CEP295: variants seen among roughly 807,000 people sequenced by gnomAD.
CEP295 encodes centrosomal protein 295.
Under a neutral mutation model 291.6 loss-of-function variants are expected in CEP295, and 190 were observed. The observed-to-expected ratio is 0.65, with a 90% confidence interval of 0.58 to 0.73. The LOEUF (loss-of-function observed/expected upper bound fraction) is 0.73. CEP295 is among the 30% of genes least tolerant of loss of function. CEP295 has a pLI of 0.00. For missense variants in CEP295, 2,863 were observed against 2,949.4 expected (o/e 0.97, Z 0.68); for synonymous variants, 993 against 1,038.8 (o/e 0.96, Z 0.85).
In CEP295 at chr11:93,695,565, A is replaced by G. The variant is rs1414728490; in HGVS notation, c.1602A>G (p.Leu534=). The change falls in exon 13 of 30, where the codon TTA becomes TTG. Residue 534 remains leucine, a synonymous_variant. Transcript: ENST00000325212. ...TTGAACAAATTGAACAGCAGAAATT[A>G]AGATTAGAAACTGACTGCTTCAGGG... ...ELLEQIEQQK[L]RLETDCFRAQ... 1 of 1,489,618 alleles carries G rather than the reference A, an allele frequency of 6.7e-7. No homozygotes were observed. The allele number at this position is 1,489,618 out of a possible 1,614,324, so 92.3% of individuals were successfully genotyped here. A position where few individuals can be genotyped will look rare whatever the true frequency, so the allele number is the denominator to read the frequency against.
At chr11:93,706,945 C>CAAAAGAT in intron 18 of CEP295, 48 bp downstream of exon 18, 1 of 1,385,946 alleles carries the variant, frequency 7.2e-7, no homozygotes, top group Non-Finnish European at 9.6e-7. Flanking sequence ...GATATGTGGA[C>CAAAAGAT]AAAAGATATT....
At chr11:93,715,540 T>G (rs559943988) in intron 18 of CEP295, among the ~76,000 whole-genome samples, 1 of 152,130 alleles carries the variant, frequency 6.6e-6, no homozygotes, top group Non-Finnish European at 1.5e-5. Context: ...TTCCCTCTGC[T>G]TTTCTCAAGC....
chr11:93,722,397 G>A (rs1953803994), intron 20 of CEP295: 1 of 212,266 alleles, frequency 4.7e-6, no homozygotes, highest in Non-Finnish European at 9.5e-6. Flanking sequence ...GGGAGGTCAA[G>A]GCTGCAATGA....
chr11:93,719,390 C>T (rs548733516), intron 18 of CEP295, among the ~76,000 whole-genome samples: 1 of 152,066 alleles, frequency 6.6e-6, no homozygotes, highest in South Asian at 2.1e-4. Context: ...GCCTCAGCCT[C>T]CGAGGTAGCT....
intron 18 of CEP295, among the ~76,000 whole-genome samples, chr11:93,715,656 G>A (rs2135263028): frequency 6.6e-6 from 1 of 151,990 alleles, no homozygotes; most frequent in East Asian, 1.9e-4. Flanking sequence ...TATACTACTT[G>A]GCTACCACTG....
chr11:93,670,056 G>A (rs1950361162), intron 5 of CEP295, among the ~76,000 whole-genome samples: 1 of 151,908 alleles, frequency 6.6e-6, no homozygotes, highest in Admixed American at 6.6e-5. Context: ...CTTCCTCAAT[G>A]ATGTCAAAAA....
intron 18 of CEP295, among the ~76,000 whole-genome samples, chr11:93,718,542 C>G (rs1313342940): frequency 6.6e-6 from 1 of 152,202 alleles, no homozygotes; most frequent in Non-Finnish European, 1.5e-5. Context: ...TCCTTTCTCT[C>G]ACTTTTATTT....
chr11:93,694,836 A>T (rs1006345798), intron 12 of CEP295, among the ~76,000 whole-genome samples: 4 of 152,226 alleles, frequency 2.6e-5, no homozygotes, highest in Non-Finnish European at 5.9e-5. Context: ...TGAGTAATTA[A>T]ACCACAAAAG....
chr11:93,672,892 A>T (rs568449243), intron 5 of CEP295, among the ~76,000 whole-genome samples: 5 of 152,306 alleles, frequency 3.3e-5, no homozygotes, highest in African/African-American at 1.2e-4. Context: ...GAGGATTCCA[A>T]ATTCAATCTA....
intron 18 of CEP295, among the ~76,000 whole-genome samples, chr11:93,711,402 A>G (rs1189969903): frequency 6.6e-6 from 1 of 152,188 alleles, no homozygotes; most frequent in African/African-American, 2.4e-5. Flanking sequence ...ATGTGTTTGT[A>G]TAGTTTCCAA....
intron 17 of CEP295, among the ~76,000 whole-genome samples, chr11:93,704,541 G>A (rs1952397045): frequency 6.6e-6 from 1 of 152,082 alleles, no homozygotes; most frequent in Non-Finnish European, 1.5e-5. Flanking sequence ...TTTAAGTCTA[G>A]GAGTAAGTCT....
At chr11:93,692,056 G>A in intron 12 of CEP295, 26 bp downstream of exon 12, 1 of 1,287,416 alleles carries the variant, frequency 7.8e-7, no homozygotes, top group Non-Finnish European at 1.1e-6. Context: ...ATTTTTAAAG[G>A]TTTATTTTTC....
chr11:93,723,310 T>C, intron 21 of CEP295, 21 bp downstream of exon 21: 2 of 1,422,116 alleles, frequency 1.4e-6, no homozygotes, highest in Non-Finnish European at 1.9e-6. Context: ...TTTAAAGCAA[T>C]ACTTTTATGT....
At chr11:93,715,866 A>G (rs1015075835) in intron 18 of CEP295, among the ~76,000 whole-genome samples, 1 of 152,008 alleles carries the variant, frequency 6.6e-6, no homozygotes, top group Non-Finnish European at 1.5e-5. Context: ...TTTGCAAAAC[A>G]AAGTCCTCTT....
At chr11:93,692,148 A>G in intron 12 of CEP295, 118 bp downstream of exon 12, 1 of 625,140 alleles carries the variant, frequency 1.6e-6, no homozygotes, top group East Asian at 2.8e-5. Context: ...TGTTTTTGAC[A>G]TTGTCTTACA....
At position 93,668,766 on chromosome 11, in the gene CEP295, A is replaced by G. The variant is rs1259742697; in HGVS notation, c.310-42A>G. On this transcript the variant is annotated intron_variant, in intron 3 of 29. Transcript: ENST00000325212. Reference sequence around the variant, plus strand: ...ATATCATATGAGACACATTTCTATTATTCTTGTTTAACATGACATTTTAAG... The same window carrying G: ...ATATCATATGAGACACATTTCTATTGTTCTTGTTTAACATGACATTTTAAG... 2.9e-6 allele frequency: 4 copies of G among 1,366,580 alleles called. No individual in the cohort carries two copies. The African/African-American group carries it at 4.4e-5, about 15-fold the overall frequency. The allele number at this position is 1,366,580 out of a possible 1,614,324, so 84.7% of individuals were successfully genotyped here. A position where few individuals can be genotyped will look rare whatever the true frequency, so the allele number is the denominator to read the frequency against.
chr11:93,681,665 C>T (rs1258405096), intron 7 of CEP295, among the ~76,000 whole-genome samples: 1 of 151,960 alleles, frequency 6.6e-6, no homozygotes, highest in Non-Finnish European at 1.5e-5. Flanking sequence ...CCGCCTGCCT[C>T]AGCCTCCCAA....
Position 93,699,830 on chromosome 11 carries a change from C to T in CEP295, c.4918C>T (p.His1640Tyr), listed in dbSNP as rs900305263. Residue 1640 changes from histidine to tyrosine, a missense_variant, in exon 15 of 30, where the codon CAT (histidine) becomes TAT (tyrosine). Physicochemically the swap from His to Tyr is moderately conservative, Grantham distance 83. Coordinates refer to ENST00000325212, the MANE Select transcript of CEP295 (RefSeq NM_033395.2). ...GTTGAACAAAAGTGAATCTGCTGAG[C>T]ATACTATCCCCTCTTTGTTTCTACC... ...RKLNKSESAE[H>Y]TIPSLFLPKE... is the part of the protein sequence containing the mutation. The T allele has an allele frequency of 7.7e-6, 12 of 1,552,148 alleles. No individual in the cohort carries two copies. The highest frequency in any genetic ancestry group is 1.0e-5 in the Non-Finnish European group (12 of 1,147,122).
chr11:93,671,205 A>C (rs1006933924), intron 5 of CEP295, among the ~76,000 whole-genome samples: 1 of 152,152 alleles, frequency 6.6e-6, no homozygotes, highest in Admixed American at 6.5e-5. Flanking sequence ...GGAAAACAGG[A>C]TATATTCCTT....
Sources: allele counts gnomAD v4.1 joint callset (sites outside exome capture counted in the v4.1 genomes callset), GRCh38; gene constraint gnomAD v4.1.1; transcripts MANE v1.5; gene names NCBI Gene and HGNC (gene_info 2026-07-23, HGNC 2026-07-21).